DEFB131B: variants seen among roughly 807,000 people sequenced by gnomAD.
DEFB131B encodes beta-defensin 131B.
Under a neutral mutation model 2.1 loss-of-function variants are expected in DEFB131B, and 2 were observed. That is an observed-to-expected ratio of 0.94 (90% confidence interval 0.38 to 2.95). DEFB131B has a LOEUF of 2.95. Ranked by LOEUF, DEFB131B falls within the 30% of genes most tolerant of loss-of-function variation. DEFB131B has a pLI of 0.09. For synonymous variants in DEFB131B, 26 were observed against 25.8 expected (o/e 1.01, Z -0.03); for missense variants, 77 against 78.5 (o/e 0.98, Z 0.07).
At position 71,878,476 on chromosome 11, in the gene DEFB131B, T is replaced by C; in HGVS notation, c.24T>C (p.Phe8=). The stretch of plus-strand genomic sequence containing the variant: ...CCATGAGGGTCTTGTTTTTTGTCTT[T>C]GGAGTCCTTTCCTTGATGTCCACAG... The part of the protein sequence containing the change: MRVLFFV[F]GVLSLMSTVP... Residue 8 remains phenylalanine (F), a synonymous_variant, in exon 1 of 2, where the codon TTT becomes TTC. Coordinates refer to ENST00000530210, the MANE Select transcript of DEFB131B (RefSeq NM_001242853.1). 1 of 1,611,766 alleles carries C rather than the reference T, an allele frequency of 6.2e-7. No individual in the cohort carries two copies. The highest frequency in any genetic ancestry group is 8.5e-7 in the Non-Finnish European group (1 of 1,179,792).
intron 1 of DEFB131B, among the ~76,000 whole-genome samples, chr11:71,880,076 A>G (rs930182660): frequency 6.6e-6 from 1 of 152,220 alleles, no homozygotes; most frequent in Non-Finnish European, 1.5e-5. Context: ...ATAATTCTGT[A>G]TAATTATATA....
intron 1 of DEFB131B, among the ~76,000 whole-genome samples, chr11:71,882,948 C>G (rs1234289680): frequency 6.6e-6 from 1 of 152,010 alleles, no homozygotes; most frequent in Non-Finnish European, 1.5e-5. Flanking sequence ...GTTTCTATAG[C>G]ACTAACAGCA....
At chr11:71,880,689 A>G (rs1952555190) in intron 1 of DEFB131B, among the ~76,000 whole-genome samples, 1 of 152,106 alleles carries the variant, frequency 6.6e-6, no homozygotes. Context: ...GTTGTATTCC[A>G]TAGGCTTTGG....
intron 1 of DEFB131B, among the ~76,000 whole-genome samples, chr11:71,882,497 C>T (rs548237221): frequency 2.4e-4 from 37 of 152,232 alleles, no homozygotes; most frequent in African/African-American, 8.7e-4. Flanking sequence ...TCCCAAAGTG[C>T]CAGGATTAAA....
chr11:71,882,237 T>C (rs796334205), intron 1 of DEFB131B, among the ~76,000 whole-genome samples: 24 of 152,122 alleles, frequency 1.6e-4, no homozygotes, highest in African/African-American at 5.3e-4. Context: ...GAACACTATC[T>C]TAAAACTCTC....
chr11:71,882,142 G>A (rs1014765777), intron 1 of DEFB131B, among the ~76,000 whole-genome samples: 2 of 151,072 alleles, frequency 1.3e-5, no homozygotes, highest in African/African-American at 4.9e-5. Context: ...GACAACCAAG[G>A]ATAAGAATTA....
At chr11:71,879,464 T>A (rs1356113707) in intron 1 of DEFB131B, among the ~76,000 whole-genome samples, 1 of 152,242 alleles carries the variant, frequency 6.6e-6, no homozygotes, top group Non-Finnish European at 1.5e-5. Flanking sequence ...CTGGTTGACT[T>A]ATTGATCATT....
intron 1 of DEFB131B, 68 bp from the exon 2 acceptor site, chr11:71,884,339 C>T: frequency 7.2e-7 from 1 of 1,398,526 alleles, no homozygotes; most frequent in Non-Finnish European, 9.4e-7. Flanking sequence ...TATTATAAAA[C>T]ATTTCAGACA....
chr11:71,883,887 G>T (rs1952595305), intron 1 of DEFB131B, among the ~76,000 whole-genome samples: 1 of 152,100 alleles, frequency 6.6e-6, no homozygotes, highest in Non-Finnish European at 1.5e-5. Flanking sequence ...TCTCAATTAA[G>T]GATTCTTTTT....
chr11:71,881,524 G>A (rs1952562184), intron 1 of DEFB131B, among the ~76,000 whole-genome samples: 2 of 151,870 alleles, frequency 1.3e-5, no homozygotes, highest in Non-Finnish European at 1.5e-5. Flanking sequence ...TCCTCTTATG[G>A]CATTTTTTTG....
intron 1 of DEFB131B, among the ~76,000 whole-genome samples, chr11:71,879,479 A>C (rs1952546507): frequency 1.3e-5 from 2 of 152,222 alleles, no homozygotes; most frequent in South Asian, 4.1e-4. Flanking sequence ...ATCATTTCTG[A>C]AGCACATTTT....
chr11:71,879,185 A>G (rs1952544656), intron 1 of DEFB131B, among the ~76,000 whole-genome samples: 1 of 152,180 alleles, frequency 6.6e-6, no homozygotes, highest in Admixed American at 6.5e-5. Flanking sequence ...CACAGGATAA[A>G]TTCACCACTG....
intron 1 of DEFB131B, among the ~76,000 whole-genome samples, chr11:71,882,791 G>T (rs1167444852): frequency 5.9e-5 from 9 of 152,078 alleles, no homozygotes; most frequent in Admixed American, 2.6e-4. Flanking sequence ...AAACTGTTGG[G>T]GGGTGGGAAT....
At chr11:71,882,357 A>G (rs569585474) in intron 1 of DEFB131B, among the ~76,000 whole-genome samples, 17 of 152,178 alleles carry the variant, frequency 1.1e-4, no homozygotes, top group Non-Finnish European at 2.2e-4. Context: ...CCTGGGTCCA[A>G]GCAATCTCGT....
At chr11:71,883,282 T>A (rs556531633) in intron 1 of DEFB131B, among the ~76,000 whole-genome samples, 1 of 152,154 alleles carries the variant, frequency 6.6e-6, no homozygotes, top group Admixed American at 6.5e-5. Context: ...CCCAGAATAG[T>A]CAAAACAATG....
At chr11:71,881,864 G>A (rs2121351574) in intron 1 of DEFB131B, among the ~76,000 whole-genome samples, 1 of 152,188 alleles carries the variant, frequency 6.6e-6, no homozygotes, top group East Asian at 1.9e-4. Context: ...ATAAGTGTAG[G>A]CCAATTAGAA....
intron 1 of DEFB131B, among the ~76,000 whole-genome samples, chr11:71,883,273 C>T (rs1172637561): frequency 6.6e-6 from 1 of 151,794 alleles, no homozygotes; most frequent in Non-Finnish European, 1.5e-5. Flanking sequence ...CACAAAGGAC[C>T]CAGAATAGTC....
At chr11:71,879,422 T>TA (rs1437566708) in intron 1 of DEFB131B, among the ~76,000 whole-genome samples, 19 of 152,346 alleles carry the variant, frequency 1.2e-4, no homozygotes, top group African/African-American at 3.6e-4. Flanking sequence ...AAAAACATAT[T>TA]AAACTGTGGT....
Position 71,884,430 on chromosome 11 carries a change from G to T in DEFB131B, c.82G>T (p.Glu28Ter). 6.3e-7 allele frequency: 1 copy of T among 1,599,210 alleles called. No individual in the cohort carries two copies. Residue 28 changes from glutamate to a stop codon, truncating the protein, a stop_gained, in exon 2 of 2, where the codon GAA becomes TAA. Transcript: ENST00000530210. LOFTEE classifies it low-confidence loss of function (END_TRUNC). The part of the protein sequence containing the change: ...PPTRSFTSND[E>*]CPSEYYHCRL... ...AGCCAGAAGCTTCACTTCTAATGAT[G>T]AATGTCCTTCAGAATATTATCATTG...
Sources: gnomAD v4.1 joint callset for allele counts (sites outside exome capture counted in the v4.1 genomes callset) on GRCh38, gnomAD v4.1.1 for gene constraint, MANE v1.5 for transcripts, NCBI Gene and HGNC (gene_info 2026-07-23, HGNC 2026-07-21) for gene names.